The following U2AF2 variants were observed in gnomAD, a reference collection of about 807,000 sequenced individuals.
The protein encoded by U2AF2 is splicing factor U2AF 65 kDa subunit.
In U2AF2, 6 loss-of-function variants were observed where a neutral mutation model predicts 52.6. The ratio of observed to expected loss-of-function variants is 0.11; its 90% confidence interval spans 0.06 to 0.23. The LOEUF (loss-of-function observed/expected upper bound fraction) is 0.23. Among genes scored for constraint, U2AF2 ranks in the 10% least tolerant of loss-of-function variants. U2AF2 has a pLI of 1.00. For missense variants in U2AF2, 222 were observed against 677.1 expected (o/e 0.33, Z 7.46); for synonymous variants, 284 against 258.2 (o/e 1.10, Z -0.96).
At chr19:55,659,941 C>G (rs991203853) in intron 2 of U2AF2, among the ~76,000 whole-genome samples, 2 of 152,296 alleles carry the variant, frequency 1.3e-5, no homozygotes, top group East Asian at 3.9e-4. Flanking sequence ...TCAGTTTCTC[C>G]AGCTAGAGAC....
chr19:55,661,351 C>G, intron 5 of U2AF2, 162 bp downstream of exon 5: 1 of 765,500 alleles, frequency 1.3e-6, no homozygotes, highest in South Asian at 3.0e-5. Flanking sequence ...AGCCAGGGGC[C>G]GGGCTGGGGG....
At chr19:55,671,724 T>C (rs1600085399) in intron 11 of U2AF2, 2 of 152,324 alleles carry the variant, frequency 1.3e-5, no homozygotes. Context: ...TGCCCTCTGG[T>C]GCTGGGATGG....
At chr19:55,663,781 C>G (rs2303087) in intron 7 of U2AF2, 37 bp downstream of exon 7, 31 of 1,611,870 alleles carry the variant, frequency 1.9e-5, no homozygotes, top group Non-Finnish European at 2.6e-5. Context: ...CTTTCTCCCC[C>G]AGTCCTGTTC....
intron 5 of U2AF2, chr19:55,662,160 T>G: frequency 4.9e-6 from 1 of 205,714 alleles, no homozygotes; most frequent in East Asian, 1.2e-4. Context: ...TTCGTGTTTT[T>G]CTTCATTTTG....
At chr19:55,672,102 C>G (rs1324764670) in intron 11 of U2AF2, 2 of 150,252 alleles carry the variant, frequency 1.3e-5, no homozygotes, top group African/African-American at 2.5e-5. Flanking sequence ...GCACTCCAGC[C>G]TGGGTGACAG....
intron 6 of U2AF2, among the ~76,000 whole-genome samples, chr19:55,662,828 G>A (rs1984302792): frequency 6.6e-6 from 1 of 152,072 alleles, no homozygotes; most frequent in Non-Finnish European, 1.5e-5. Flanking sequence ...GACCTGAGAG[G>A]CCTGTTTGGC....
In U2AF2 at chr19:55,661,046, C is replaced by A; in HGVS notation, c.343C>A (p.Gln115Lys). ...TTTTATTCCCTTTGAAGCTGCGGGT[C>A]AGATTCCAGCCACTGCTCTTCTCCC... Reference protein sequence around the residue: ...MQYKAMQAAGQIPATALLPTM... With the variant: ...MQYKAMQAAGKIPATALLPTM... Residue 115 changes from glutamine to lysine, a missense_variant, in exon 5 of 12, where the codon CAG becomes AAG. Transcript: ENST00000308924. 1 of 1,582,290 alleles carries A rather than the reference C, an allele frequency of 6.3e-7. No homozygotes were observed. Among genetic ancestry groups the A allele is most frequent in the Non-Finnish European group, 8.7e-7 (1 of 1,155,984 alleles).
rs191293843 is a variant in U2AF2, at chr19:55,660,926, C to T, written c.335-112C>T. The stretch of plus-strand genomic sequence containing the variant: ...AGAGGGTTCTGGAAGGTGCTAAGAC[C>T]GAGAGCCTGTAGGAGCTTTCTGCTG... On this transcript the variant is annotated intron_variant, in intron 4 of 11. Transcript: ENST00000308924. 2.6e-4 allele frequency: 380 copies of T among 1,473,086 alleles called. 2 individuals are homozygous for T. In the South Asian group the frequency reaches 2.6e-3, roughly 10 times the overall value. The allele number at this position is 1,473,086 out of a possible 1,614,324, so 91.3% of individuals were successfully genotyped here.
Position 55,661,250 on chromosome 19 carries a change from C to T in U2AF2, c.486+61C>T, listed in dbSNP as rs1000247817. ...TCCCTCTACCCCGTTCCTCCCCTTC[C>T]CTCCATTCCCTTTCCCCAACCTGCA... On this transcript the variant is annotated intron_variant, in intron 5 of 11. Transcript: ENST00000308924. 2.8e-6 allele frequency: 4 copies of T among 1,425,332 alleles called. No individual in the cohort carries two copies. In the African/African-American group the frequency reaches 5.8e-5, roughly 20 times the overall value. The allele number at this position is 1,425,332 out of a possible 1,614,324, so 88.3% of individuals were successfully genotyped here. A position where few individuals can be genotyped will look rare whatever the true frequency, so the allele number is the denominator to read the frequency against.
chr19:55,672,885 C>A (rs1408653047), intron 11 of U2AF2, among the ~76,000 whole-genome samples: 1 of 151,920 alleles, frequency 6.6e-6, no homozygotes, highest in East Asian at 1.9e-4. Context: ...CTTTGTGAGC[C>A]GCCCGTCTTG....
Position 55,660,171 on chromosome 19 carries a change from C to A in U2AF2, c.186-6C>A. On this transcript the variant is annotated splice_region_variant and splice_polypyrimidine_tract_variant and intron_variant, in intron 2 of 11. Coordinates refer to ENST00000308924, the MANE Select transcript of U2AF2 (RefSeq NM_007279.3). ...CCTCCCCATACCTTTCCCTCCCACCCCCCAGCAAACCTTTGACCAGAGGCG... is the reference window on the plus strand; with the variant it reads ...CCTCCCCATACCTTTCCCTCCCACCACCCAGCAAACCTTTGACCAGAGGCG... 1 of 1,608,148 alleles carries A rather than the reference C, an allele frequency of 6.2e-7. No homozygotes were observed. Among genetic ancestry groups the A allele is most frequent in the East Asian group, 2.2e-5 (1 of 44,696 alleles).
At chr19:55,658,587 CCTG>C (rs1983951305) in intron 1 of U2AF2, among the ~76,000 whole-genome samples, 2 of 152,118 alleles carry the variant, frequency 1.3e-5, no homozygotes, top group African/African-American at 2.4e-5. Flanking sequence ...CCTCCCCTGA[CCTG>C]CTGAAGGAGA....
intron 11 of U2AF2, 69 bp from the exon 12 acceptor site, chr19:55,673,865 G>A (rs1425633646): frequency 1.3e-6 from 2 of 1,552,994 alleles, no homozygotes; most frequent in Non-Finnish European, 1.7e-6. Flanking sequence ...CAGTGCTGGG[G>A]TTGGGTGGAC....
chr19:55,673,837 C>G, intron 11 of U2AF2, 97 bp from the exon 12 acceptor site: 1 of 1,509,268 alleles, frequency 6.6e-7, no homozygotes, highest in Non-Finnish European at 8.9e-7. Flanking sequence ...CCCCCTCCTC[C>G]CTGTCCCTTC....
intron 7 of U2AF2, among the ~76,000 whole-genome samples, chr19:55,667,344 A>G (rs181114050): frequency 3.3e-5 from 5 of 152,264 alleles, no homozygotes; most frequent in Admixed American, 3.3e-4. Flanking sequence ...TGGAGGCTGC[A>G]GAGGAAGGGG....
intron 7 of U2AF2, among the ~76,000 whole-genome samples, chr19:55,666,181 G>A (rs1371560648): frequency 6.6e-6 from 1 of 152,174 alleles, no homozygotes; most frequent in Admixed American, 6.5e-5. Flanking sequence ...CCTCTCAGGC[G>A]CCCCCTGCAC....
chr19:55,664,824 TCTC>T (rs774277305), intron 7 of U2AF2, among the ~76,000 whole-genome samples: 5 of 152,090 alleles, frequency 3.3e-5, no homozygotes, highest in East Asian at 1.9e-4. Flanking sequence ...TTCAAGCAAT[TCTC>T]CTGCTTCAGC....
chr19:55,664,042 G>T (rs969369531), intron 7 of U2AF2: 2 of 343,840 alleles, frequency 5.8e-6, no homozygotes, highest in Non-Finnish European at 1.1e-5. Context: ...TGGACCTCGT[G>T]CCTGCGTTGC....
rs1426655442 is a variant in U2AF2, at chr19:55,669,583, A to G, written c.1184A>G (p.Tyr395Cys). ...GAGGAGCTGCTGGACGACGAGGAGT[A>G]TGAGGAGATCGTGGAGGACGTGCGG... ...LPEELLDDEE[Y>C]EEIVEDVRDE... The change falls in exon 11 of 12, where the codon TAT becomes TGT. Residue 395 changes from tyrosine to cysteine, a missense_variant. Coordinates refer to ENST00000308924, the MANE Select transcript of U2AF2 (RefSeq NM_007279.3). 1 of 1,613,904 alleles carries G rather than the reference A, an allele frequency of 6.2e-7. No homozygotes were observed. Among genetic ancestry groups the G allele is most frequent in the Non-Finnish European group, 8.5e-7 (1 of 1,179,906 alleles).
Sources: allele counts gnomAD v4.1 joint callset (sites outside exome capture counted in the v4.1 genomes callset), GRCh38; gene constraint gnomAD v4.1.1; transcripts MANE v1.5; gene names NCBI Gene and HGNC (gene_info 2026-07-23, HGNC 2026-07-21).